Variants in AGO2 observed in about 807,000 individuals in gnomAD.
AGO2 encodes the protein protein argonaute-2.
A neutral mutation model predicts 102.3 loss-of-function variants in AGO2; 5 were observed. That is an observed-to-expected ratio of 0.05 (90% CI 0.03 to 0.10). The LOEUF is 0.10. Ranked by LOEUF, AGO2 falls within the 10% of genes least tolerant of loss-of-function variation. The probability of loss-of-function intolerance (pLI) is 1.00; values close to 1 mark genes in which losing one functional copy is unlikely to be tolerated. For synonymous variants in AGO2, 449 were observed against 473.1 expected, an observed-to-expected ratio of 0.95 and a Z score of 0.66; for missense variants, 541 against 1,183.7, an observed-to-expected ratio of 0.46 and a Z score of 7.97.
intron 2 of AGO2, among the ~76,000 whole-genome samples, chr8:140,577,917 A>T (rs754096659): frequency 2.6e-5 from 4 of 152,150 alleles, no homozygotes; most frequent in Non-Finnish European, 4.4e-5. Context: ...CATCCTGCAC[A>T]CCCAGCACGG....
At chr8:140,546,942 C>T (rs2072911350) in intron 13 of AGO2, among the ~76,000 whole-genome samples, 2 of 152,302 alleles carry the variant, frequency 1.3e-5, no homozygotes, top group East Asian at 1.9e-4. Flanking sequence ...CCCCAACCCC[C>T]GTCCCCGGCG....
the AGO2 span, among the ~76,000 whole-genome samples, chr8:140,642,112 A>G: frequency 6.6e-6 from 1 of 152,238 alleles, no homozygotes; most frequent in South Asian, 2.1e-4. Flanking sequence ...ACAAATGAAA[A>G]TAAAGATGTA....
chr8:140,564,524 T>C (rs1486191581), intron 3 of AGO2, among the ~76,000 whole-genome samples: 1 of 152,182 alleles, frequency 6.6e-6, no homozygotes, highest in Non-Finnish European at 1.5e-5. Context: ...TCCTCCTTTC[T>C]CTCCTCAGCA....
chr8:140,614,399 T>G (rs1168507143), intron 1 of AGO2, among the ~76,000 whole-genome samples: 6 of 152,152 alleles, frequency 3.9e-5, no homozygotes, highest in Non-Finnish European at 8.8e-5. Flanking sequence ...AAAAACACAT[T>G]AAACCAATTC....
intron 1 of AGO2, among the ~76,000 whole-genome samples, chr8:140,610,611 G>A (rs992610418): frequency 2.6e-5 from 4 of 152,190 alleles, no homozygotes; most frequent in South Asian, 2.1e-4. Context: ...TCCTGAAAGC[G>A]GCCTATTTTC....
intron 1 of AGO2, among the ~76,000 whole-genome samples, chr8:140,594,425 C>T (rs2073791421): frequency 6.6e-6 from 1 of 151,984 alleles, no homozygotes. Context: ...TGGGAATGCT[C>T]TTTCTGGGAT....
At chr8:140,537,593 C>T (rs989614381) in intron 16 of AGO2, among the ~76,000 whole-genome samples, 2 of 147,080 alleles carry the variant, frequency 1.4e-5, no homozygotes, top group Non-Finnish European at 1.5e-5. Flanking sequence ...TGAGTCACTA[C>T]GCCTGGCCCC....
At chr8:140,604,485 G>C (rs1477005602) in intron 1 of AGO2, among the ~76,000 whole-genome samples, 1 of 152,172 alleles carries the variant, frequency 6.6e-6, no homozygotes, top group East Asian at 1.9e-4. Context: ...GAGGTCAGGA[G>C]TTCAAGACCA....
At chr8:140,573,009 A>ATTT (rs11293451) in intron 2 of AGO2, 77 bp from the exon 3 acceptor site, 25 of 1,253,058 alleles carry the variant, frequency 2.0e-5, no homozygotes, top group East Asian at 1.2e-4. Context: ...TTCTGACGCT[A>ATTT]TTTTTTTTTT....
At chr8:140,573,591 A>G (rs1588470090) in intron 2 of AGO2, among the ~76,000 whole-genome samples, 1 of 152,182 alleles carries the variant, frequency 6.6e-6, no homozygotes, top group South Asian at 2.1e-4. Flanking sequence ...GTGCTTGTGC[A>G]TTTTAGTGAA....
chr8:140,549,809 C>G (rs935235277), intron 11 of AGO2, among the ~76,000 whole-genome samples: 3 of 152,230 alleles, frequency 2.0e-5, no homozygotes, highest in Non-Finnish European at 4.4e-5. Context: ...CGAGAGAAAA[C>G]AGCAGCCCGC....
intron 2 of AGO2, among the ~76,000 whole-genome samples, chr8:140,577,223 A>AAAAAG (rs2132988554): frequency 6.6e-6 from 1 of 151,500 alleles, no homozygotes; most frequent in Non-Finnish European, 1.5e-5. Context: ...AAAAAAAAAA[A>AAAAAG]AAAAAGAAAC....
chr8:140,569,378 A>T (rs2073342727), intron 3 of AGO2, among the ~76,000 whole-genome samples: 1 of 152,158 alleles, frequency 6.6e-6, no homozygotes, highest in Non-Finnish European at 1.5e-5. Context: ...GCTCAATTTG[A>T]TCATTCAGTG....
Position 140,531,949 on chromosome 8 carries a change from G to T in AGO2, c.*95C>A. The T allele has an allele frequency of 2.9e-6, 3 of 1,038,734 alleles. No individual in the cohort carries two copies. Among genetic ancestry groups the T allele is most frequent in the East Asian group, 2.4e-5 (1 of 41,318 alleles). The allele number at this position is 1,038,734 out of a possible 1,614,324, so 64.3% of individuals were successfully genotyped here. A position where few individuals can be genotyped will look rare whatever the true frequency, so the allele number is the denominator to read the frequency against. Reference sequence around the variant, plus strand: ...AAATCAATGACGTCTCATGTTCGATGCTGGCTGTCACGGAAGGGCTGGCCA... The same window carrying T: ...AAATCAATGACGTCTCATGTTCGATTCTGGCTGTCACGGAAGGGCTGGCCA... On this transcript the variant is annotated 3_prime_UTR_variant, in exon 19 of 19. Transcript: ENST00000220592.
intron 3 of AGO2, among the ~76,000 whole-genome samples, chr8:140,570,368 G>A (rs931881348): frequency 5.9e-5 from 9 of 151,934 alleles, no homozygotes; most frequent in Non-Finnish European, 1.2e-4. Flanking sequence ...TGTGACTATA[G>A]GCGTGTGCCC....
intron 1 of AGO2, among the ~76,000 whole-genome samples, chr8:140,625,177 T>C (rs1032411285): frequency 1.3e-5 from 2 of 152,172 alleles, no homozygotes; most frequent in Admixed American, 1.3e-4. Flanking sequence ...GCTGCATCCC[T>C]CCTTTGCTGG....
chr8:140,619,753 A>C (rs2074192868), intron 1 of AGO2, among the ~76,000 whole-genome samples: 2 of 152,236 alleles, frequency 1.3e-5, no homozygotes, highest in Non-Finnish European at 2.9e-5. Flanking sequence ...TCAACGAATA[A>C]GCAAACTCAC....
intron 1 of AGO2, chr8:140,605,657 C>T (rs566354156): frequency 6.6e-6 from 1 of 152,360 alleles, no homozygotes; most frequent in South Asian, 2.1e-4. Context: ...GATGAAGACC[C>T]CACCCGCTGG....
At chr8:140,618,274 C>A (rs565078554) in intron 1 of AGO2, among the ~76,000 whole-genome samples, 1 of 150,024 alleles carries the variant, frequency 6.7e-6, no homozygotes, top group African/African-American at 2.5e-5. Context: ...GAGCCGAGAT[C>A]GTGCCACTGC....
Sources: gnomAD v4.1 joint callset for allele counts (sites outside exome capture counted in the v4.1 genomes callset) on GRCh38, gnomAD v4.1.1 for gene constraint, MANE v1.5 for transcripts, NCBI Gene and HGNC (gene_info 2026-07-23, HGNC 2026-07-21) for gene names.